Variants in C1orf167 observed in about 807,000 individuals in gnomAD.
C1orf167 encodes the protein uncharacterized protein C1orf167.
Under a neutral mutation model 176.5 loss-of-function variants are expected in C1orf167, and 153 were observed. The ratio of observed to expected loss-of-function variants is 0.87; its 90% CI spans 0.76 to 0.99. C1orf167 has a LOEUF of 0.99. Ranked by LOEUF, C1orf167 falls within the 50% of genes least tolerant of loss-of-function variation. The pLI is 0.00. For synonymous variants in C1orf167, 594 were observed against 752.7 expected, an observed-to-expected ratio of 0.79 and a Z score of 3.45; for missense variants, 1,490 against 1,817.7, an observed-to-expected ratio of 0.82 and a Z score of 3.28.
At position 11,768,361 on chromosome 1, in the gene C1orf167, A is replaced by G; in HGVS notation, c.1542+86A>G. 8.6e-7 allele frequency: 1 copy of G among 1,162,852 alleles called. No homozygotes were observed. The highest frequency in any genetic ancestry group is 1.4e-5 in the South Asian group (1 of 73,478). 72.0% of individuals were successfully genotyped at this position (1,162,852 alleles called of 1,614,324 possible). A position where few individuals can be genotyped will look rare whatever the true frequency, so the allele number is the denominator to read the frequency against. Reference sequence around the variant, plus strand: ...GACTCAGTCTACGGAGAGGACACCCACTGGGCATAGGTGGCACCTCATGAA... The same window carrying G: ...GACTCAGTCTACGGAGAGGACACCCGCTGGGCATAGGTGGCACCTCATGAA... On this transcript the variant is annotated intron_variant, in intron 5 of 20. Coordinates refer to ENST00000688073, the MANE Select transcript of C1orf167 (RefSeq NM_001010881.2). This position sits in a 1 kb window ranked among gnomAD's most constrained non-coding sequence, Gnocchi z 4.5.
In C1orf167 at chr1:11,768,834, A is replaced by T; in HGVS notation, c.1543-139A>T. On this transcript the variant is annotated intron_variant, in intron 5 of 20. Coordinates refer to ENST00000688073, the MANE Select transcript of C1orf167 (RefSeq NM_001010881.2). The surrounding 1 kb of genome is among the most constrained non-coding windows in gnomAD (Gnocchi z 4.5). ...TTCCTTCATTCCCAAAGAAGGAATG[A>T]ATAGGCAGAGTAATGGTTAAGACCA... The T allele has an allele frequency of 2.1e-6, 1 of 475,084 alleles. No homozygotes were observed. Among genetic ancestry groups the T allele is most frequent in the Non-Finnish European group, 2.8e-6 (1 of 363,416 alleles). 29.4% of individuals were successfully genotyped at this position (475,084 alleles called of 1,614,324 possible). A position where few individuals can be genotyped will look rare whatever the true frequency, so the allele number is the denominator to read the frequency against.
chr1:11,777,254 GCC>G (rs1268950099), intron 10 of C1orf167: 1 of 152,734 alleles, frequency 6.5e-6, no homozygotes, highest in Non-Finnish European at 1.5e-5. Context: ...GGAATTCGGA[GCC>G]CAGAAGAAGG....
In C1orf167 at chr1:11,770,972, T is replaced by TTGTGTGTG. The variant is rs753081071; in HGVS notation, c.1698-530_1698-523dup. The stretch of plus-strand genomic sequence containing the variant: ...AGTGTGTGCCACCACACTGGCTAAT[T>TTGTGTGTG]TGTGTGTGTGTGTGTGTGTGTGTGT... On this transcript the variant is annotated intron_variant, in intron 6 of 20. Coordinates refer to ENST00000688073, the MANE Select transcript of C1orf167 (RefSeq NM_001010881.2). 1.1e-3 allele frequency among the ~76,000 whole-genome samples: 90 copies of TTGTGTGTG among 78,556 alleles called. 1 individual carries two copies. The highest frequency in any genetic ancestry group is 3.2e-3 in the African/African-American group (82 of 25,698). 51.5% of individuals were successfully genotyped at this position (78,556 alleles called of 152,430 possible). A position where few individuals can be genotyped will look rare whatever the true frequency, so the allele number is the denominator to read the frequency against.
At chr1:11,774,389 GAT>G (rs1411220880) in intron 8 of C1orf167, among the ~76,000 whole-genome samples, 1 of 152,034 alleles carries the variant, frequency 6.6e-6, no homozygotes, top group Admixed American at 6.6e-5. Context: ...TCATTTTTTT[GAT>G]TGCACGTTAT....
Position 11,779,054 on chromosome 1 carries a change from G to T in C1orf167, c.2625G>T (p.Arg875Ser), listed in dbSNP as rs1219290329. 1 of 1,274,844 alleles carries T rather than the reference G, an allele frequency of 7.8e-7. No individual in the cohort carries two copies. 79.0% of individuals were successfully genotyped at this position (1,274,844 alleles called of 1,614,324 possible). ...CCCAGCAGTTCCAGGGCACAGCCAG[G>T]TGGTACCAGCATACCCGCCAGAGGC... Reference protein sequence around the residue: ...ARAQQFQGTARWYQHTRQRRI... With the variant: ...ARAQQFQGTASWYQHTRQRRI... The change falls in exon 12 of 21, where the codon AGG (arginine) becomes AGT (serine). Residue 875 changes from arginine (R) to serine (S), a missense_variant. By Grantham distance (110) the Arg-to-Ser change is moderately radical. Coordinates refer to ENST00000688073, the MANE Select transcript of C1orf167 (RefSeq NM_001010881.2).
chr1:11,787,451 C>T lies in C1orf167; in HGVS notation c.3631C>T (p.Leu1211=). The change falls in exon 17 of 21, where the codon CTG becomes TTG. Residue 1211 remains leucine (L), a synonymous_variant. Coordinates refer to ENST00000688073, the MANE Select transcript of C1orf167 (RefSeq NM_001010881.2). ...TCCCGCGCCATCACTGCAGTGCAGC[C>T]TGGGTGGACGGAGGAAGCCAAGGGG... ...VPPAPSLQCS[L]GGRRKPRGTA... is the part of the protein sequence containing the mutation. 3.1e-6 allele frequency: 4 copies of T among 1,303,558 alleles called. No individual in the cohort carries two copies. The highest frequency in any genetic ancestry group is 4.0e-6 in the Non-Finnish European group (4 of 988,760). 80.7% of individuals were successfully genotyped at this position (1,303,558 alleles called of 1,614,324 possible). A position where few individuals can be genotyped will look rare whatever the true frequency, so the allele number is the denominator to read the frequency against.
intron 14 of C1orf167, among the ~76,000 whole-genome samples, chr1:11,782,916 C>T (rs1301993025): frequency 2.0e-5 from 1 of 50,610 alleles, no homozygotes; most frequent in Non-Finnish European, 4.5e-5. Flanking sequence ...GAGACTCCAT[C>T]TCAAAAAAAA....
chr1:11,789,168 T>TA lies in C1orf167; in HGVS notation c.4174-102_4174-101insA, dbSNP rs1048276056. 40 of 1,140,812 alleles carry TA rather than the reference T, an allele frequency of 3.5e-5. No homozygotes were observed. In the African/African-American group the frequency reaches 6.1e-4, roughly 17 times the overall value. The allele number at this position is 1,140,812 out of a possible 1,614,324, so 70.7% of individuals were successfully genotyped here. A position where few individuals can be genotyped will look rare whatever the true frequency, so the allele number is the denominator to read the frequency against. Reference sequence around the variant, plus strand: ...CTGCTTGGGGCAGAGGGAGGGGCCCTGGGGACAAAAGGAGCTGGGTACAGG... The same window carrying TA: ...CTGCTTGGGGCAGAGGGAGGGGCCCTAGGGGACAAAAGGAGCTGGGTACAGG... On this transcript the variant is annotated intron_variant, in intron 20 of 20. Coordinates refer to ENST00000688073, the MANE Select transcript of C1orf167 (RefSeq NM_001010881.2).
At position 11,775,473 on chromosome 1, in the gene C1orf167, C is replaced by G. The variant is rs1390363868; in HGVS notation, c.2027C>G (p.Ser676Cys). 3 of 1,303,704 alleles carry G rather than the reference C, an allele frequency of 2.3e-6. No homozygotes were observed. The highest frequency in any genetic ancestry group is 1.1e-4 in the East Asian group (2 of 18,034). The allele number at this position is 1,303,704 out of a possible 1,614,324, so 80.8% of individuals were successfully genotyped here. Residue 676 changes from serine (S) to cysteine (C), a missense_variant, in exon 9 of 21, where the codon TCC becomes TGC. Physicochemically the swap from Ser to Cys is moderately radical, Grantham distance 112 (BLOSUM62 -1). Coordinates refer to ENST00000688073, the MANE Select transcript of C1orf167 (RefSeq NM_001010881.2). ...TGGCAGCAGTTCGTGCAAAGAGGGT[C>G]CCGGTACCGAGACCACCTGGCTGAC... is the stretch of plus-strand genomic sequence containing the variant. ...GAWQQFVQRG[S>C]RYRDHLADRR... is the part of the protein sequence containing the mutation.
In C1orf167 at chr1:11,762,219, C is replaced by G. The variant is rs959213302; in HGVS notation, c.-157C>G. 9 of 446,864 alleles carry G rather than the reference C, an allele frequency of 2.0e-5. No individual in the cohort carries two copies. The highest frequency in any genetic ancestry group is 1.2e-4 in the Admixed American group (5 of 41,968). 27.7% of individuals were successfully genotyped at this position (446,864 alleles called of 1,614,324 possible). Reference sequence around the variant, plus strand: ...ACGTCCCCTCCCGCCCGCGACCTGCCGACCTGCGGGGATCGTTAGCGGTCC... The same window carrying G: ...ACGTCCCCTCCCGCCCGCGACCTGCGGACCTGCGGGGATCGTTAGCGGTCC... On this transcript the variant is annotated 5_prime_UTR_variant, in exon 1 of 21. Transcript: ENST00000688073.
rs535399888 is a variant in C1orf167 at position 11,779,887 on chromosome 1, A to G, written c.2737A>G (p.Arg913Gly). ...ASHRAWDRTC[R>G]AVLGLWRQRL... ...CCACCGGGCCTGGGATCGGACCTGC[A>G]GGGCTGTGCTGGGCCTGTGGCGTCA... Residue 913 changes from arginine (R) to glycine (G), a missense_variant, in exon 13 of 21, where the codon AGG becomes GGG. Coordinates refer to ENST00000688073, the MANE Select transcript of C1orf167 (RefSeq NM_001010881.2). The G allele has an allele frequency of 3.1e-6, 4 of 1,303,174 alleles. No homozygotes were observed. The highest frequency in any genetic ancestry group is 3.0e-5 in the African/African-American group (2 of 65,974). 80.7% of individuals were successfully genotyped at this position (1,303,174 alleles called of 1,614,324 possible). A position where few individuals can be genotyped will look rare whatever the true frequency, so the allele number is the denominator to read the frequency against.
rs1430495617 is a variant in C1orf167, at chr1:11,770,167, G to A, written c.1697+1040G>A. 1.6e-5 allele frequency among the ~76,000 whole-genome samples: 2 copies of A among 123,898 alleles called. 1 individual carries two copies. Among genetic ancestry groups the A allele is most frequent in the Non-Finnish European group, 3.6e-5 (2 of 55,310 alleles). 81.3% of individuals were successfully genotyped at this position (123,898 alleles called of 152,430 possible). A position where few individuals can be genotyped will look rare whatever the true frequency, so the allele number is the denominator to read the frequency against. On this transcript the variant is annotated intron_variant, in intron 6 of 20. Coordinates refer to ENST00000688073, the MANE Select transcript of C1orf167 (RefSeq NM_001010881.2). ...GTGGCAATGTTAAATTTTTCTTAAA[G>A]GAGCATAAAAATGTATCCAAAATAT...
At position 11,787,995 on chromosome 1, in the gene C1orf167, CCT is replaced by C; in HGVS notation, c.3797_3798del (p.Pro1266ArgfsTer13). ...RDQGPRAHSSPEPRACKAQSK... is the reference protein window; with the variant it reads ...RDQGPRAHSSXEPRACKAQSK... ...CCAGGGACCAAGAGCGCACTCCAGC[CCT>C]GAGCCCAGAGCCTGCAAAGCCCAAA... On this transcript the variant is annotated frameshift_variant, in exon 18 of 21. Coordinates refer to ENST00000688073, the MANE Select transcript of C1orf167 (RefSeq NM_001010881.2). LOFTEE classifies it high-confidence loss of function. 2 of 1,304,046 alleles carry C rather than the reference CCT, an allele frequency of 1.5e-6. No homozygotes were observed. The highest frequency in any genetic ancestry group is 1.2e-5 in the South Asian group (1 of 81,008). The allele number at this position is 1,304,046 out of a possible 1,614,324, so 80.8% of individuals were successfully genotyped here.
intron 4 of C1orf167, 58 bp downstream of exon 4, chr1:11,767,322 T>C: frequency 8.0e-7 from 1 of 1,244,188 alleles, no homozygotes; most frequent in Non-Finnish European, 1.1e-6. Flanking sequence ...TGCTCAGGAC[T>C]CCGCTCCCAT....
At position 11,789,453 on chromosome 1, in the gene C1orf167, C is replaced by T. The variant is rs1644018493; in HGVS notation, c.*7C>T. 1.5e-5 allele frequency: 19 copies of T among 1,302,642 alleles called. No homozygotes were observed. The highest frequency in any genetic ancestry group is 1.8e-5 in the Non-Finnish European group (18 of 988,438). The allele number at this position is 1,302,642 out of a possible 1,614,324, so 80.7% of individuals were successfully genotyped here. A position where few individuals can be genotyped will look rare whatever the true frequency, so the allele number is the denominator to read the frequency against. ...GGCCCAGCTGCAGCTGTGACTTGTTCTCATAGAATAAAAAACAGAACTGAA... is the reference window on the plus strand; with the variant it reads ...GGCCCAGCTGCAGCTGTGACTTGTTTTCATAGAATAAAAAACAGAACTGAA... On this transcript the variant is annotated 3_prime_UTR_variant, in exon 21 of 21. Coordinates refer to ENST00000688073, the MANE Select transcript of C1orf167 (RefSeq NM_001010881.2).
intron 6 of C1orf167, among the ~76,000 whole-genome samples, chr1:11,770,610 A>ATTT (rs113478214): frequency 7.4e-5 from 10 of 134,878 alleles, no homozygotes; most frequent in East Asian, 2.2e-4. Context: ...CGCCTGGCTG[A>ATTT]TTTTTTTTTT....
chr1:11,788,622 A>G (rs773140384), intron 19 of C1orf167, 30 bp from the exon 20 acceptor site: 3 of 1,299,620 alleles, frequency 2.3e-6, no homozygotes, highest in African/African-American at 3.0e-5. Context: ...CGTGAGCACA[A>G]GAGGCCTTCT....
intron 13 of C1orf167, among the ~76,000 whole-genome samples, chr1:11,781,155 A>G (rs1001335536): frequency 1.3e-5 from 2 of 151,400 alleles, no homozygotes; most frequent in Non-Finnish European, 2.9e-5. Flanking sequence ...CTGCCACCAC[A>G]CCTGGCTAAT....
chr1:11,772,214 G>T lies in C1orf167; in HGVS notation c.1943G>T (p.Trp648Leu). The change falls in exon 8 of 21, where the codon TGG (tryptophan) becomes TTG (leucine). Residue 648 changes from tryptophan to leucine, a missense_variant. Trp to Leu is a moderately conservative substitution (Grantham distance 61, BLOSUM62 -2). Coordinates refer to ENST00000688073, the MANE Select transcript of C1orf167 (RefSeq NM_001010881.2). ...CACTCTACTGCTGCAGGTGTAGCCT[G>T]GGTGGCCCCACTGAGCCCCCAGCAC... ...AWHSTAAGVA[W>L]VAPLSPQHQR... 1 of 1,304,198 alleles carries T rather than the reference G, an allele frequency of 7.7e-7. No individual in the cohort carries two copies. Among genetic ancestry groups the T allele is most frequent in the Non-Finnish European group, 1.0e-6 (1 of 988,914 alleles). The allele number at this position is 1,304,198 out of a possible 1,614,324, so 80.8% of individuals were successfully genotyped here.
Sources: gnomAD v4.1 joint callset for allele counts (sites outside exome capture counted in the v4.1 genomes callset) on GRCh38, gnomAD v4.1.1 for gene constraint, Gnocchi (gnomAD v3.1) non-coding constraint, MANE v1.5 for transcripts, NCBI Gene and HGNC (gene_info 2026-07-23, HGNC 2026-07-21) for gene names.